The following PLCB1 variants were observed in gnomAD, a reference collection of about 807,000 sequenced individuals.
The protein encoded by PLCB1 is phospholipase C beta 1, also known as 1-phosphatidylinositol 4,5-bisphosphate phosphodiesterase beta-1.
PLCB1 carries 46 observed loss-of-function variants against 161.8 expected under a neutral mutation model. The observed-to-expected ratio is 0.28, with a 90% CI of 0.22 to 0.36. PLCB1 has a LOEUF of 0.36. Among genes scored for constraint, PLCB1 ranks in the 10% least tolerant of loss-of-function variants. The pLI is 1.00. For missense variants in PLCB1, 1,016 were observed against 1,472.5 expected (o/e 0.69, Z 5.07); for synonymous variants, 517 against 503.7 (o/e 1.03, Z -0.35).
chr20:8,379,357 G>A (rs1414575911), intron 3 of PLCB1, among the ~76,000 whole-genome samples: 2 of 152,102 alleles, frequency 1.3e-5, no homozygotes, highest in Non-Finnish European at 2.9e-5. Context: ...ATCATTGATG[G>A]GTGTTTGGGT....
Position 8,658,720 on chromosome 20 carries a change from C to T in PLCB1, c.862+16C>T, listed in dbSNP as rs751879371. ...GCCAGAAAAGGTCAGTACTTTCTTT[C>T]ACACCAAAGGGAAGCTCTTGTTTCT... is the stretch of plus-strand genomic sequence containing the variant. On this transcript the variant is annotated intron_variant, in intron 9 of 31. Transcript: ENST00000338037. 7 of 1,587,352 alleles carry T rather than the reference C, an allele frequency of 4.4e-6. No homozygotes were observed. Among genetic ancestry groups the T allele is most frequent in the East Asian group, 2.3e-5 (1 of 44,180 alleles).
At chr20:8,156,960 A>G (rs1278019558) in intron 2 of PLCB1, among the ~76,000 whole-genome samples, 2 of 152,160 alleles carry the variant, frequency 1.3e-5, no homozygotes, top group Non-Finnish European at 2.9e-5. Context: ...CCAAGTGACC[A>G]TTTATTTATG....
intron 3 of PLCB1, among the ~76,000 whole-genome samples, chr20:8,413,816 C>T (rs887774617): frequency 6.6e-6 from 1 of 152,204 alleles, no homozygotes; most frequent in Non-Finnish European, 1.5e-5. Flanking sequence ...AATAATTGGT[C>T]TAGCACCATC....
At chr20:8,631,454 G>T (rs1411706811) in intron 4 of PLCB1, among the ~76,000 whole-genome samples, 2 of 152,166 alleles carry the variant, frequency 1.3e-5, no homozygotes, top group Non-Finnish European at 2.9e-5. Context: ...GCAGCTTTTT[G>T]GTCTAGATTC....
At chr20:8,406,376 T>C (rs1275688005) in intron 3 of PLCB1, among the ~76,000 whole-genome samples, 1 of 152,210 alleles carries the variant, frequency 6.6e-6, no homozygotes, top group Non-Finnish European at 1.5e-5. Context: ...AACATGCAGG[T>C]AATGTTTTAA....
Position 8,367,954 on chromosome 20 carries a change from C to T in PLCB1, c.178-3428C>T, listed in dbSNP as rs138666600. ...CTTTGTAGCCAAATGAGTTCATGGA[C>T]GGCATTTCCACCCAGGTCTTCCCCA... On this transcript the variant is annotated intron_variant, in intron 2 of 31. Transcript: ENST00000338037. 8.8e-3 allele frequency among the ~76,000 whole-genome samples: 1,343 copies of T among 152,196 alleles called. 22 individuals carry two copies. The highest frequency in any genetic ancestry group is 0.03 in the African/African-American group (1,264 of 41,516).
intron 3 of PLCB1, among the ~76,000 whole-genome samples, chr20:8,465,542 T>TCA (rs1397478264): frequency 6.6e-6 from 1 of 152,110 alleles, no homozygotes; most frequent in African/African-American, 2.4e-5. Flanking sequence ...TTGCTCCAAC[T>TCA]CACACATTTG....
At chr20:8,571,304 A>G (rs941546687) in intron 3 of PLCB1, among the ~76,000 whole-genome samples, 1 of 152,068 alleles carries the variant, frequency 6.6e-6, no homozygotes, top group Non-Finnish European at 1.5e-5. Context: ...CAACATGGTG[A>G]CACTCCATCT....
chr20:8,305,997 A>T (rs1984117871), intron 2 of PLCB1: 1 of 152,182 alleles, frequency 6.6e-6, no homozygotes, highest in Non-Finnish European at 1.5e-5. Context: ...GTGGGCTAGG[A>T]TGCCTCCAGA....
At chr20:8,681,113 TATATATA>T (rs1356397443) in intron 9 of PLCB1, among the ~76,000 whole-genome samples, 14 of 110,870 alleles carry the variant, frequency 1.3e-4, no homozygotes, top group African/African-American at 5.5e-4. Flanking sequence ...TATATATATA[TATATATA>T]ATATATATAA....
chr20:8,393,230 G>A (rs1987663125), intron 3 of PLCB1, among the ~76,000 whole-genome samples: 1 of 152,160 alleles, frequency 6.6e-6, no homozygotes, highest in African/African-American at 2.4e-5. Flanking sequence ...GGGCTTGAGA[G>A]AAGAATTTGC....
At chr20:8,297,307 T>A (rs1257571426) in intron 2 of PLCB1, among the ~76,000 whole-genome samples, 1 of 152,144 alleles carries the variant, frequency 6.6e-6, no homozygotes, top group African/African-American at 2.4e-5. Context: ...ACTATACCAC[T>A]TGTGTTTCTT....
chr20:8,765,101 C>G, intron 25 of PLCB1, 38 bp from the exon 26 acceptor site: 1 of 1,504,742 alleles, frequency 6.6e-7, no homozygotes. Context: ...GATGTTCAGC[C>G]CTCCCATTCC....
At chr20:8,297,296 G>C (rs2745761) in intron 2 of PLCB1, among the ~76,000 whole-genome samples, 7,934 of 151,996 alleles carry the variant, frequency 0.052, 492 homozygotes, top group African/African-American at 0.13. Flanking sequence ...CCTAGTATGC[G>C]ACTATACCAC....
chr20:8,702,877 G>A (rs1978448654), intron 11 of PLCB1, among the ~76,000 whole-genome samples: 1 of 152,184 alleles, frequency 6.6e-6, no homozygotes, highest in African/African-American at 2.4e-5. Flanking sequence ...GTTCTCCAGT[G>A]GAACTTCTGA....
In PLCB1 at chr20:8,200,956, T is replaced by C. The variant is rs181771433; in HGVS notation, c.177+50585T>C. ...GGATTTAGAAAAATTATACATAGGC[T>C]AAGTTTTGTCAAATGACTTCTCTGC... is the stretch of plus-strand genomic sequence containing the variant. On this transcript the variant is annotated intron_variant, in intron 2 of 31. Transcript: ENST00000338037. Among the ~76,000 whole-genome samples, 252 of 152,258 alleles carry C rather than the reference T, an allele frequency of 1.7e-3. 2 individuals are homozygous for C. Among genetic ancestry groups the C allele is most frequent in the African/African-American group, 3.9e-3 (164 of 41,570 alleles).
chr20:8,258,544 T>C (rs950528759), intron 2 of PLCB1, among the ~76,000 whole-genome samples: 1 of 152,176 alleles, frequency 6.6e-6, no homozygotes, highest in African/African-American at 2.4e-5. Flanking sequence ...AGTTTTTCCC[T>C]GCAAAGTGCT....
At chr20:8,706,987 C>T (rs943129398) in intron 11 of PLCB1, among the ~76,000 whole-genome samples, 2 of 152,124 alleles carry the variant, frequency 1.3e-5, no homozygotes, top group African/African-American at 4.8e-5. Flanking sequence ...ATTCAAAAGT[C>T]GGTTTGAATC....
At chr20:8,876,718 G>A (rs1305011075) in intron 31 of PLCB1, among the ~76,000 whole-genome samples, 2 of 152,150 alleles carry the variant, frequency 1.3e-5, no homozygotes, top group Non-Finnish European at 2.9e-5. Flanking sequence ...CTAGGGGTGA[G>A]CTGGTTTAGA....
Sources: gnomAD v4.1 joint callset for allele counts (sites outside exome capture counted in the v4.1 genomes callset) on GRCh38, gnomAD v4.1.1 for gene constraint, MANE v1.5 for transcripts, NCBI Gene and HGNC (gene_info 2026-07-23, HGNC 2026-07-21) for gene names.